Variants in PTPRN2 observed in about 807,000 individuals in gnomAD.
PTPRN2 encodes the protein protein tyrosine phosphatase receptor type N2, also known as receptor-type tyrosine-protein phosphatase N2.
A neutral mutation model predicts 118.8 loss-of-function variants in PTPRN2; 74 were observed. The observed-to-expected ratio is 0.62, with a 90% CI of 0.52 to 0.76. The LOEUF (loss-of-function observed/expected upper bound fraction) is 0.76. Among genes scored for constraint, PTPRN2 ranks in the 30% least tolerant of loss-of-function variants. The pLI, the probability that PTPRN2 is intolerant of heterozygous loss-of-function variation, is 0.00. For synonymous variants in PTPRN2, 641 were observed against 608.0 expected (o/e 1.05, Z -0.80); for missense variants, 1,481 against 1,394.4 (o/e 1.06, Z -0.99).
intron 2 of PTPRN2, among the ~76,000 whole-genome samples, chr7:158,372,645 G>A (rs868723771): frequency 1.3e-5 from 2 of 150,380 alleles, no homozygotes. Context: ...TCCCCACCAC[G>A]CTGGTTCCCG....
At chr7:158,156,580 G>T (rs1290760833) in intron 6 of PTPRN2, among the ~76,000 whole-genome samples, 1 of 152,250 alleles carries the variant, frequency 6.6e-6, no homozygotes, top group African/African-American at 2.4e-5. Context: ...AATGCCGGTG[G>T]AGAGGGCAGG....
At chr7:157,933,500 T>C (rs1203079070) in intron 11 of PTPRN2, among the ~76,000 whole-genome samples, 3 of 139,394 alleles carry the variant, frequency 2.2e-5, no homozygotes, top group East Asian at 2.3e-4. Flanking sequence ...GTCACTCTGA[T>C]TGACAGCTTT....
chr7:158,577,233 G>A (rs1398403477), intron 1 of PTPRN2, among the ~76,000 whole-genome samples: 63 of 83,980 alleles, frequency 7.5e-4, no homozygotes, highest in African/African-American at 2.8e-3. Context: ...AGGGCTCCCA[G>A]CCCTCCTGAA....
intron 11 of PTPRN2, among the ~76,000 whole-genome samples, chr7:157,992,659 G>A (rs1257371929): frequency 3.9e-5 from 6 of 152,246 alleles, no homozygotes; most frequent in African/African-American, 1.4e-4. Flanking sequence ...CCCCTGGAGG[G>A]GTTGGGGTGG....
chr7:158,160,772 G>A (rs1344752989), intron 6 of PTPRN2, among the ~76,000 whole-genome samples: 1 of 152,140 alleles, frequency 6.6e-6, no homozygotes, highest in Non-Finnish European at 1.5e-5. Context: ...CATAAACACA[G>A]TTCATCTGCT....
At chr7:158,424,458 G>A (rs1815526545) in intron 2 of PTPRN2, among the ~76,000 whole-genome samples, 1 of 151,960 alleles carries the variant, frequency 6.6e-6, no homozygotes. Flanking sequence ...CAAAAACAGG[G>A]ACAACGTCTG....
intron 2 of PTPRN2, among the ~76,000 whole-genome samples, chr7:158,333,816 G>C (rs1462532157): frequency 3.0e-5 from 4 of 131,276 alleles, no homozygotes; most frequent in South Asian, 2.5e-4. Context: ...GGCCCACAGA[G>C]GTCACTCACA....
At chr7:158,331,133 C>G (rs796682137) in intron 2 of PTPRN2, among the ~76,000 whole-genome samples, 2,502 of 66,594 alleles carry the variant, frequency 0.038, 18 homozygotes, top group African/African-American at 0.11. Context: ...ACCATAAGAG[C>G]TGACGCCCGC....
chr7:157,850,459 G>A (rs1809196085), intron 12 of PTPRN2, among the ~76,000 whole-genome samples: 1 of 152,082 alleles, frequency 6.6e-6, no homozygotes, highest in African/African-American at 2.4e-5. Flanking sequence ...CTCGCATAAG[G>A]GATCCCAGGT....
chr7:158,354,386 C>CA (rs1190123318), intron 2 of PTPRN2, among the ~76,000 whole-genome samples: 1 of 152,160 alleles, frequency 6.6e-6, no homozygotes, highest in African/African-American at 2.4e-5. Flanking sequence ...ACTGGCCCAA[C>CA]AAAGTGGCGA....
rs368699085 is a variant in PTPRN2 at position 157,569,378 on chromosome 7, G to C, written c.2838-412C>G. On this transcript the variant is annotated intron_variant, in intron 20 of 22. Transcript: ENST00000389418. Reference sequence around the variant, plus strand: ...CCGGGCAACCTCCCGAGCGGAGAGGGGAGGGCGCTGGGCGGCTGGGCCCCG... The same window carrying C: ...CCGGGCAACCTCCCGAGCGGAGAGGCGAGGGCGCTGGGCGGCTGGGCCCCG... Among the ~76,000 whole-genome samples the C allele has an allele frequency of 1.4e-4, 22 of 152,392 alleles. No individual in the cohort carries two copies. The East Asian group carries it at 4.0e-3, about 28-fold the overall frequency.
chr7:158,249,560 G>GCA (rs1359545874), intron 3 of PTPRN2, among the ~76,000 whole-genome samples: 2 of 148,430 alleles, frequency 1.3e-5, no homozygotes, highest in African/African-American at 2.5e-5. Flanking sequence ...TACCACACCT[G>GCA]CACACACACA....
intron 1 of PTPRN2, among the ~76,000 whole-genome samples, chr7:158,503,351 A>G (rs1822511000): frequency 6.6e-6 from 1 of 152,184 alleles, no homozygotes; most frequent in African/African-American, 2.4e-5. Context: ...CTCTACCCTC[A>G]CAGCTGTGTA....
chr7:157,895,695 T>C (rs1364718207), intron 12 of PTPRN2, among the ~76,000 whole-genome samples: 3 of 151,098 alleles, frequency 2.0e-5, no homozygotes, highest in African/African-American at 4.9e-5. Flanking sequence ...GAGGGAGAGG[T>C]GAAGGCGCGA....
intron 3 of PTPRN2, among the ~76,000 whole-genome samples, chr7:158,265,802 G>T (rs972338356): frequency 6.6e-6 from 1 of 152,198 alleles, no homozygotes; most frequent in East Asian, 1.9e-4. Flanking sequence ...GCCAGAGGCC[G>T]CCTGGCTCCC....
At chr7:157,747,169 C>A (rs1201799711) in intron 12 of PTPRN2, among the ~76,000 whole-genome samples, 3 of 136,694 alleles carry the variant, frequency 2.2e-5, no homozygotes, top group Admixed American at 2.2e-4. Context: ...AGGCCTGCGT[C>A]CCTGAGCTGT....
At chr7:157,970,162 T>G (rs1480748992) in intron 11 of PTPRN2, among the ~76,000 whole-genome samples, 1 of 152,164 alleles carries the variant, frequency 6.6e-6, no homozygotes, top group Non-Finnish European at 1.5e-5. Flanking sequence ...TATTAGACAC[T>G]GGGGCCACAC....
Position 157,845,877 on chromosome 7 carries a change from G to A in PTPRN2, c.1788+52796C>T, listed in dbSNP as rs1808771298. Among the ~76,000 whole-genome samples, 3 of 152,168 alleles carry A rather than the reference G, an allele frequency of 2.0e-5. No homozygotes were observed. Among genetic ancestry groups the A allele is most frequent in the Non-Finnish European group, 2.9e-5 (2 of 68,038 alleles). On this transcript the variant is annotated intron_variant, in intron 12 of 22. Coordinates refer to ENST00000389418, the MANE Select transcript of PTPRN2 (RefSeq NM_002847.5). The surrounding 1 kb of genome is among the most constrained non-coding windows in gnomAD (Gnocchi z 4.5). ...CACAAAACACAAAAATTAACCCCAG[G>A]CAGATTAAAGCCTAAATGGGGGGAA...
chr7:158,282,809 C>G (rs1446392387), intron 3 of PTPRN2, among the ~76,000 whole-genome samples: 2 of 150,740 alleles, frequency 1.3e-5, no homozygotes, highest in African/African-American at 2.4e-5. Context: ...GATCCCTCCT[C>G]GTGCTCCCAC....
Sources: allele counts gnomAD v4.1 joint callset (sites outside exome capture counted in the v4.1 genomes callset), GRCh38; gene constraint gnomAD v4.1.1; non-coding constraint Gnocchi (gnomAD v3.1); transcripts MANE v1.5; gene names NCBI Gene and HGNC (gene_info 2026-07-23, HGNC 2026-07-21).